The following TASP1 variants were observed in gnomAD, a reference collection of about 807,000 sequenced individuals.
TASP1 encodes threonine aspartase 1.
In TASP1, 16 loss-of-function variants were observed where a neutral mutation model predicts 56.6. That is an observed-to-expected ratio of 0.28 (90% CI 0.19 to 0.43). The LOEUF is 0.43. TASP1 is among the 20% of genes least tolerant of loss of function. TASP1 has a pLI of 1.00. For missense variants in TASP1, 393 were observed against 511.6 expected (o/e 0.77, Z 2.24); for synonymous variants, 179 against 184.2 (o/e 0.97, Z 0.23).
At chr20:13,225,566 T>C in the TASP1 span, among the ~76,000 whole-genome samples, 8 of 152,324 alleles carry the variant, frequency 5.3e-5, no homozygotes, top group East Asian at 1.5e-3. Flanking sequence ...TATGCCCTAG[T>C]GTGCTCAAAA....
intron 10 of TASP1, among the ~76,000 whole-genome samples, chr20:13,501,965 G>C (rs555742440): frequency 1.3e-5 from 2 of 152,026 alleles, no homozygotes; most frequent in South Asian, 4.1e-4. Flanking sequence ...AATTATGAAA[G>C]TGTCAATTAA....
the TASP1 span, among the ~76,000 whole-genome samples, chr20:13,377,995 T>C: frequency 2.6e-5 from 4 of 152,210 alleles, no homozygotes; most frequent in Non-Finnish European, 5.9e-5. Context: ...TAGCAGTCTA[T>C]ATATTTTGTT....
At chr20:13,268,729 C>A in the TASP1 span, among the ~76,000 whole-genome samples, 1 of 152,066 alleles carries the variant, frequency 6.6e-6, no homozygotes, top group Non-Finnish European at 1.5e-5. Context: ...GTTCCTGAGC[C>A]CCATTCCTAT....
chr20:13,221,881 G>A, the TASP1 span: 2 of 1,407,190 alleles, frequency 1.4e-6, no homozygotes, highest in South Asian at 3.1e-5. Flanking sequence ...GGCCCGACGC[G>A]GCCGCGGGCA....
intron 12 of TASP1, among the ~76,000 whole-genome samples, chr20:13,423,230 T>C (rs935317481): frequency 6.6e-6 from 1 of 152,182 alleles, no homozygotes; most frequent in Non-Finnish European, 1.5e-5. Flanking sequence ...TACACTGTTT[T>C]TCAAACTTTT....
chr20:13,157,768 G>A, the TASP1 span, among the ~76,000 whole-genome samples: 8 of 152,276 alleles, frequency 5.3e-5, no homozygotes, highest in African/African-American at 1.9e-4. Flanking sequence ...TTGCCCTGCT[G>A]TCTGGCTGTG....
chr20:13,261,106 T>C, the TASP1 span, among the ~76,000 whole-genome samples: 3 of 152,144 alleles, frequency 2.0e-5, no homozygotes, highest in African/African-American at 7.2e-5. Flanking sequence ...TGTTGTCCCT[T>C]TGGCCGCAGT....
intron 10 of TASP1, among the ~76,000 whole-genome samples, chr20:13,500,294 C>CA (rs2043898472): frequency 7.1e-6 from 1 of 141,542 alleles, no homozygotes; most frequent in Non-Finnish European, 1.5e-5. Context: ...ATTTGTCATA[C>CA]TAGATGCATG....
At chr20:13,570,278 G>A (rs2046667982) in intron 6 of TASP1, among the ~76,000 whole-genome samples, 1 of 152,068 alleles carries the variant, frequency 6.6e-6, no homozygotes, top group Admixed American at 6.6e-5. Context: ...TAAGTAATTT[G>A]ACTAAGCAAA....
chr20:13,398,996 T>C (rs2041643462), intron 13 of TASP1, among the ~76,000 whole-genome samples: 1 of 152,186 alleles, frequency 6.6e-6, no homozygotes, highest in African/African-American at 2.4e-5. Flanking sequence ...TTTATCAAAA[T>C]AAGAAATGAC....
chr20:13,501,695 T>C (rs1234971615), intron 10 of TASP1, among the ~76,000 whole-genome samples: 1 of 152,028 alleles, frequency 6.6e-6, no homozygotes, highest in Non-Finnish European at 1.5e-5. Flanking sequence ...ATGGACTAAA[T>C]ACTCCATGTA....
intron 11 of TASP1, among the ~76,000 whole-genome samples, chr20:13,481,431 A>G (rs956210873): frequency 6.6e-6 from 1 of 152,142 alleles, no homozygotes; most frequent in African/African-American, 2.4e-5. Context: ...TTTTGGGGAT[A>G]TACATAGCAG....
the TASP1 span, chr20:13,299,656 C>T: frequency 9.3e-6 from 5 of 537,230 alleles, no homozygotes; most frequent in African/African-American, 9.4e-5. This position sits in a 1 kb window ranked among gnomAD's most constrained non-coding sequence, Gnocchi z 5.8. Flanking sequence ...CCCTCGCCAT[C>T]TGCAGAGCTC....
At chr20:13,175,652 A>C in the TASP1 span, among the ~76,000 whole-genome samples, 7 of 152,242 alleles carry the variant, frequency 4.6e-5, no homozygotes, top group African/African-American at 1.7e-4. Context: ...CGAGTTTGGC[A>C]CTTAGATTTA....
At chr20:13,175,961 A>G in the TASP1 span, among the ~76,000 whole-genome samples, 1 of 152,344 alleles carries the variant, frequency 6.6e-6, no homozygotes, top group Middle Eastern at 3.4e-3. Flanking sequence ...GAATGAACTG[A>G]AAATATAGGA....
chr20:13,483,418 A>C, intron 10 of TASP1, 81 bp from the exon 11 acceptor site: 1 of 870,028 alleles, frequency 1.1e-6, no homozygotes, highest in Non-Finnish European at 1.7e-6. Context: ...GAACACCCTT[A>C]TGCATCATTT....
intron 8 of TASP1, among the ~76,000 whole-genome samples, chr20:13,538,674 A>G (rs1030678978): frequency 1.3e-5 from 2 of 152,180 alleles, no homozygotes; most frequent in Non-Finnish European, 2.9e-5. Context: ...ACCTAGCTCT[A>G]TATCTCTCAC....
the TASP1 span, among the ~76,000 whole-genome samples, chr20:13,370,781 T>G: frequency 6.6e-6 from 1 of 152,172 alleles, no homozygotes; most frequent in Non-Finnish European, 1.5e-5. Flanking sequence ...AATTCACCAG[T>G]GTAACCATCT....
chr20:13,430,103 AGAGG>A (rs1176166885), intron 12 of TASP1, among the ~76,000 whole-genome samples: 1 of 152,206 alleles, frequency 6.6e-6, no homozygotes, highest in Non-Finnish European at 1.5e-5. Flanking sequence ...TATTTGTCCT[AGAGG>A]GTCCCCAAAA....
Sources: gnomAD v4.1 joint callset for allele counts (sites outside exome capture counted in the v4.1 genomes callset) on GRCh38, gnomAD v4.1.1 for gene constraint, Gnocchi (gnomAD v3.1) non-coding constraint, MANE v1.5 for transcripts, NCBI Gene and HGNC (gene_info 2026-07-23, HGNC 2026-07-21) for gene names.